Variants in DHRSX observed in about 807,000 individuals in gnomAD.
The protein encoded by DHRSX is polyprenol dehydrogenase.
A neutral mutation model predicts 34.0 loss-of-function variants in DHRSX; 31 were observed. The observed-to-expected ratio is 0.91, with a 90% CI of 0.69 to 1.23. DHRSX has a LOEUF of 1.23. DHRSX is among the 50% of genes most tolerant of loss of function. The probability of loss-of-function intolerance (pLI) is 0.00; values close to 1 mark genes in which losing one functional copy is unlikely to be tolerated. For synonymous variants in DHRSX, 201 were observed against 183.8 expected, an observed-to-expected ratio of 1.09 and a Z score of -0.76; for missense variants, 414 against 428.1, an observed-to-expected ratio of 0.97 and a Z score of 0.29.
intron 1 of DHRSX, among the ~76,000 whole-genome samples, chrX:2,453,658 A>C (rs1410998753): frequency 6.6e-6 from 1 of 152,152 alleles, no homozygotes; most frequent in African/African-American, 2.4e-5. Flanking sequence ...CTATAGGGTG[A>C]GACTGTCTCA....
intron 3 of DHRSX, among the ~76,000 whole-genome samples, chrX:2,358,490 G>A (rs764066528): frequency 4.5e-4 from 68 of 152,176 alleles, no homozygotes; most frequent in Non-Finnish European, 8.2e-4. Flanking sequence ...AAGGTCAGGA[G>A]ATCAAGACCA....
At chrX:2,342,948 C>T (rs184383900) in intron 3 of DHRSX, among the ~76,000 whole-genome samples, 3 of 152,228 alleles carry the variant, frequency 2.0e-5, no homozygotes, top group Non-Finnish European at 2.9e-5. Flanking sequence ...GGTGACAGAG[C>T]GGGAGCATGG....
At chrX:2,492,615 A>G (rs2045181374) in intron 1 of DHRSX, among the ~76,000 whole-genome samples, 3 of 151,922 alleles carry the variant, frequency 2.0e-5, no homozygotes, top group Admixed American at 1.3e-4. Flanking sequence ...GCAGTGACAG[A>G]TGTCCTTATA....
At chrX:2,294,191 AAG>A (rs1338200921) in intron 3 of DHRSX, among the ~76,000 whole-genome samples, 2 of 152,016 alleles carry the variant, frequency 1.3e-5, no homozygotes, top group East Asian at 1.9e-4. Context: ...GAGAAACAGA[AAG>A]AGAGAGAGGG....
chrX:2,466,751 G>A (rs2044502542), intron 1 of DHRSX, among the ~76,000 whole-genome samples: 3 of 151,972 alleles, frequency 2.0e-5, no homozygotes, highest in South Asian at 2.1e-4. Context: ...ATTTACCTGC[G>A]CACGTCCCCC....
chrX:2,451,372 C>T (rs1315017266), intron 1 of DHRSX, among the ~76,000 whole-genome samples: 3 of 152,068 alleles, frequency 2.0e-5, no homozygotes, highest in Non-Finnish European at 4.4e-5. Flanking sequence ...CCCAAGTCTA[C>T]ACGAATATAA....
At chrX:2,253,291 C>T (rs1206815354) in intron 5 of DHRSX, among the ~76,000 whole-genome samples, 1 of 134,280 alleles carries the variant, frequency 7.4e-6, no homozygotes, top group African/African-American at 2.8e-5. Context: ...AAGATGGCGC[C>T]ACGGCACTGC....
intron 6 of DHRSX, among the ~76,000 whole-genome samples, chrX:2,231,655 TTTC>T (rs373482399): frequency 0.044 from 6,480 of 147,530 alleles, 336 homozygotes; most frequent in African/African-American, 0.12. Flanking sequence ...CTCTCTGCCT[TTTC>T]TTCTTTTTTT....
At chrX:2,495,074 G>T (rs2045247826) in intron 1 of DHRSX, among the ~76,000 whole-genome samples, 3 of 147,368 alleles carry the variant, frequency 2.0e-5, no homozygotes, top group Non-Finnish European at 3.0e-5. Flanking sequence ...GTTATTATTT[G>T]GCTGAAAGAC....
At chrX:2,345,570 C>T (rs1270249687) in intron 3 of DHRSX, among the ~76,000 whole-genome samples, 1 of 150,500 alleles carries the variant, frequency 6.6e-6, no homozygotes, top group Non-Finnish European at 1.5e-5. Context: ...TTGCTCAAAC[C>T]TGGGAGATAG....
At chrX:2,418,258 C>T (rs1052643961) in intron 2 of DHRSX, among the ~76,000 whole-genome samples, 16 of 152,298 alleles carry the variant, frequency 1.1e-4, no homozygotes, top group African/African-American at 3.1e-4. Context: ...AACAAGACTT[C>T]ATTACATTCT....
chrX:2,494,178 T>C (rs2045227140), intron 1 of DHRSX, among the ~76,000 whole-genome samples: 1 of 152,000 alleles, frequency 6.6e-6, no homozygotes. Context: ...TCCCAGTGCC[T>C]GGGGCCAAGG....
chrX:2,304,079 GGGTGGGTGGGTGGATTGATGGATGGATA>G (rs2042060860), intron 3 of DHRSX, among the ~76,000 whole-genome samples: 1 of 147,438 alleles, frequency 6.8e-6, no homozygotes, highest in African/African-American at 2.5e-5. Flanking sequence ...ATGGATGGAT[GGGTGGGTGGGTGGATTGATGGATGGATA>G]GATGGATGGA....
intron 3 of DHRSX, among the ~76,000 whole-genome samples, chrX:2,384,441 C>A (rs1455864757): frequency 1.3e-5 from 2 of 151,966 alleles, no homozygotes; most frequent in African/African-American, 4.8e-5. Context: ...TACGAGGAAA[C>A]GCTGAGGAAA....
intron 1 of DHRSX, among the ~76,000 whole-genome samples, chrX:2,495,655 T>TCCTCCTTCCTCCTC (rs770587211): frequency 1.2e-3 from 189 of 152,236 alleles, no homozygotes; most frequent in African/African-American, 4.4e-3. Context: ...GTACCCTCCT[T>TCCTCCTTCCTCCTC]CCTCCTTCCT....
At chrX:2,495,952 C>A (rs2045274708) in intron 1 of DHRSX, among the ~76,000 whole-genome samples, 1 of 152,118 alleles carries the variant, frequency 6.6e-6, no homozygotes, top group African/African-American at 2.4e-5. Context: ...CCATCCGTCC[C>A]TTTATGGATG....
chrX:2,445,668 A>T (rs926049733), intron 1 of DHRSX, among the ~76,000 whole-genome samples: 1 of 152,096 alleles, frequency 6.6e-6, no homozygotes, highest in Non-Finnish European at 1.5e-5. Flanking sequence ...TACACACTGA[A>T]GATGTTCCCT....
chrX:2,440,478 A>G (rs1285855375), intron 1 of DHRSX, among the ~76,000 whole-genome samples: 3 of 151,686 alleles, frequency 2.0e-5, no homozygotes, highest in African/African-American at 7.3e-5. Flanking sequence ...CTGGGATTAC[A>G]AGCAGAAGAT....
At chrX:2,371,404 A>ATTACCATAGACCCTCCTTCCG (rs752416128) in intron 3 of DHRSX, among the ~76,000 whole-genome samples, 53,937 of 141,406 alleles carry the variant, frequency 0.38, 11,276 homozygotes, top group Non-Finnish European at 0.47. Context: ...CCCTTCTCAC[A>ATTACCATAGACCCTCCTTCCG]TTACCATAGT....
Sources: gnomAD v4.1 joint callset for allele counts (sites outside exome capture counted in the v4.1 genomes callset) on GRCh38, gnomAD v4.1.1 for gene constraint, MANE v1.5 for transcripts, NCBI Gene and HGNC (gene_info 2026-07-23, HGNC 2026-07-21) for gene names.